The following CYLD variants were observed in gnomAD, a reference collection of about 807,000 sequenced individuals.
The protein encoded by CYLD is ubiquitin carboxyl-terminal hydrolase CYLD.
A neutral mutation model predicts 104.5 loss-of-function variants in CYLD; 26 were observed. That is an observed-to-expected ratio of 0.25 (90% CI 0.18 to 0.35). The LOEUF (loss-of-function observed/expected upper bound fraction) is 0.35. CYLD is among the 10% of genes least tolerant of loss of function. The probability of loss-of-function intolerance (pLI) is 1.00; values close to 1 mark genes in which losing one functional copy is unlikely to be tolerated. For missense variants in CYLD, 703 were observed against 1,136.1 expected (o/e 0.62, Z 5.48); for synonymous variants, 385 against 399.9 (o/e 0.96, Z 0.45).
chr16:50,751,295 T>C (rs757004032), intron 3 of CYLD, among the ~76,000 whole-genome samples: 8 of 152,246 alleles, frequency 5.3e-5, no homozygotes, highest in Non-Finnish European at 8.8e-5. Context: ...ACATTACTGC[T>C]ATTTTAAAGT....
chr16:50,757,580 A>G (rs1967400993), intron 5 of CYLD, among the ~76,000 whole-genome samples: 1 of 151,706 alleles, frequency 6.6e-6, no homozygotes, highest in Admixed American at 6.6e-5. Flanking sequence ...TTTGTCGCCC[A>G]GGGTGGAGTG....
intron 9 of CYLD, 94 bp from the exon 10 acceptor site, chr16:50,781,151 AG>A: frequency 7.4e-7 from 1 of 1,357,050 alleles, no homozygotes; most frequent in Non-Finnish European, 1.0e-6. Flanking sequence ...GTGGTGAGAA[AG>A]GGTATACTAG....
chr16:50,778,056 CTTTG>C, intron 8 of CYLD, 115 bp downstream of exon 8: 1 of 673,938 alleles, frequency 1.5e-6, no homozygotes, highest in Non-Finnish European at 2.7e-6. Flanking sequence ...GTAGACCGCT[CTTTG>C]TAATATTGCT....
chr16:50,768,228 A>C (rs1294690471), intron 5 of CYLD, among the ~76,000 whole-genome samples: 1 of 152,214 alleles, frequency 6.6e-6, no homozygotes, highest in Non-Finnish European at 1.5e-5. Flanking sequence ...CTTATTTGTC[A>C]ACAAAATAAA....
rs886052065 is a variant in CYLD at position 50,799,813 on chromosome 16, A to G, written c.*3305A>G. ...GCCAGATAATTTTGCATCTGCTTGG[A>G]TGATTGTAGACTGAGATGTGAGTGG... On this transcript the variant is annotated 3_prime_UTR_variant, in exon 19 of 19. Transcript: ENST00000427738. 10 of 232,978 alleles carry G rather than the reference A, an allele frequency of 4.3e-5. No individual in the cohort carries two copies. The highest frequency in any genetic ancestry group is 7.6e-5 in the Non-Finnish European group (9 of 117,978). The allele number at this position is 232,978 out of a possible 1,614,324, so 14.4% of individuals were successfully genotyped here.
At chr16:50,753,126 A>G (rs919514597) in intron 4 of CYLD, among the ~76,000 whole-genome samples, 2 of 152,212 alleles carry the variant, frequency 1.3e-5, no homozygotes, top group Admixed American at 6.5e-5. Flanking sequence ...TGAAAATTCC[A>G]GGAAATTCTA....
Position 50,793,704 on chromosome 16 carries a change from C to T in CYLD, c.2469+40C>T, listed in dbSNP as rs1470613817. Reference sequence around the variant, plus strand: ...ACTTAATGGATAAACTTTTGTTGAACAGTAACTTATTTATAGTTGAAAACA... The same window carrying T: ...ACTTAATGGATAAACTTTTGTTGAATAGTAACTTATTTATAGTTGAAAACA... On this transcript the variant is annotated intron_variant, in intron 17 of 18. Transcript: ENST00000427738. The T allele has an allele frequency of 4.0e-6, 5 of 1,246,532 alleles. No individual in the cohort carries two copies. The African/African-American group carries it at 4.4e-5, about 11-fold the overall frequency. 77.2% of individuals were successfully genotyped at this position (1,246,532 alleles called of 1,614,324 possible).
chr16:50,769,845 G>C (rs1420873), intron 5 of CYLD, among the ~76,000 whole-genome samples: 34,940 of 152,028 alleles, frequency 0.23, 6,604 homozygotes, highest in African/African-American at 0.53. Context: ...CTCATCTGCT[G>C]TCGATTTCTG....
intron 5 of CYLD, among the ~76,000 whole-genome samples, chr16:50,759,395 A>C (rs984853411): frequency 6.6e-6 from 1 of 152,256 alleles, no homozygotes; most frequent in African/African-American, 2.4e-5. Flanking sequence ...CCTTGTTTTC[A>C]TTATAATTGC....
At position 50,781,371 on chromosome 16, in the gene CYLD, G is replaced by A. The variant is rs2150996007; in HGVS notation, c.1644G>A (p.Leu548=). 6.2e-7 allele frequency: 1 copy of A among 1,613,768 alleles called. No homozygotes were observed. The highest frequency in any genetic ancestry group is 2.2e-5 in the East Asian group (1 of 44,888). The change falls in exon 10 of 19, where the codon TTG becomes TTA. Residue 548 remains leucine, a synonymous_variant. Coordinates refer to ENST00000427738, the MANE Select transcript of CYLD (RefSeq NM_001378743.1). The stretch of plus-strand genomic sequence containing the variant: ...GGCCTGACTCTAGGTTTGCATCATT[G>A]CAGCCGGTTTCCAATCAGATTGAGC... The part of the protein sequence containing the change: ...SCRPDSRFAS[L]QPVSNQIERC...
In CYLD at chr16:50,794,717, TTCAA is replaced by T; in HGVS notation, c.2686+290_2686+293del. On this transcript the variant is annotated intron_variant, in intron 18 of 18. Coordinates refer to ENST00000427738, the MANE Select transcript of CYLD (RefSeq NM_001378743.1). The surrounding 1 kb of genome is among the most constrained non-coding windows in gnomAD (Gnocchi z 4.1). The stretch of plus-strand genomic sequence containing the variant: ...CTCATTGCAACCTCCACCTCTCAGG[TTCAA>T]GCAATCCTCCCACCTCAGCCTCCTG... 1 of 423,206 alleles carries T rather than the reference TTCAA, an allele frequency of 2.4e-6. No individual in the cohort carries two copies. The allele number at this position is 423,206 out of a possible 1,614,324, so 26.2% of individuals were successfully genotyped here.
intron 5 of CYLD, among the ~76,000 whole-genome samples, chr16:50,761,746 A>ATCTATCTATC (rs1967949037): frequency 6.7e-6 from 1 of 149,778 alleles, no homozygotes; most frequent in South Asian, 2.2e-4. Context: ...ACATATCTCT[A>ATCTATCTATC]TATCTATCTA....
chr16:50,755,829 G>C (rs1166091363), intron 5 of CYLD, among the ~76,000 whole-genome samples: 2 of 152,100 alleles, frequency 1.3e-5, no homozygotes, highest in Non-Finnish European at 2.9e-5. Flanking sequence ...CCACTCTACT[G>C]ATTATTTCTT....
At position 50,782,367 on chromosome 16, in the gene CYLD, C is replaced by T; in HGVS notation, c.1727C>T (p.Pro576Leu). ...YLSEVVEENT[P>L]PKMEKEGLEI... ...AGTGAAGTAGTAGAAGAAAATACTC[C>T]ACCAAAAATGGAAAAAGAAGGCTTG... The change falls in exon 11 of 19, where the codon CCA becomes CTA. Residue 576 changes from proline (P) to leucine (L), a missense_variant. Transcript: ENST00000427738. 1 of 1,613,412 alleles carries T rather than the reference C, an allele frequency of 6.2e-7. No homozygotes were observed. Among genetic ancestry groups the T allele is most frequent in the Non-Finnish European group, 8.5e-7 (1 of 1,179,486 alleles).
rs56279226 is a variant in CYLD, at chr16:50,771,766, A to T, written c.914-3400A>T. On this transcript the variant is annotated intron_variant, in intron 5 of 18. Transcript: ENST00000427738. ...TGAGACTTAAGTAGAATTTTTTTTT[A>T]AAAAATCTATGGATATCTAATTGTT... is the stretch of plus-strand genomic sequence containing the variant. Among the ~76,000 whole-genome samples the T allele has an allele frequency of 3.6e-3, 547 of 152,188 alleles. 4 individuals carry two copies. Among genetic ancestry groups the T allele is most frequent in the African/African-American group, 0.01 (420 of 41,542 alleles).
At position 50,794,598 on chromosome 16, in the gene CYLD, A is replaced by G; in HGVS notation, c.2686+170A>G. On this transcript the variant is annotated intron_variant, in intron 18 of 18. Coordinates refer to ENST00000427738, the MANE Select transcript of CYLD (RefSeq NM_001378743.1). This position sits in a 1 kb window ranked among gnomAD's most constrained non-coding sequence, Gnocchi z 4.1. ...ATTGCATTAACAACCTTGCTAGCTG[A>G]ACTAAGGAATAATATGCTGTGTTTT... 1 of 709,500 alleles carries G rather than the reference A, an allele frequency of 1.4e-6. No homozygotes were observed. Among genetic ancestry groups the G allele is most frequent in the South Asian group, 1.5e-5 (1 of 65,738 alleles). The allele number at this position is 709,500 out of a possible 1,614,324, so 44.0% of individuals were successfully genotyped here. A position where few individuals can be genotyped will look rare whatever the true frequency, so the allele number is the denominator to read the frequency against.
At chr16:50,767,483 T>C (rs866045482) in intron 5 of CYLD, among the ~76,000 whole-genome samples, 45 of 148,104 alleles carry the variant, frequency 3.0e-4, no homozygotes, top group African/African-American at 1.1e-3. Flanking sequence ...TTTTTTTTAA[T>C]TTCCATAGAG....
At chr16:50,781,451 A>G (rs1421496399) in intron 10 of CYLD, 40 bp downstream of exon 10, 29 of 1,605,466 alleles carry the variant, frequency 1.8e-5, no homozygotes, top group Non-Finnish European at 2.3e-5. Flanking sequence ...ACCTGGAATG[A>G]CTCTAATTCT....
intron 4 of CYLD, among the ~76,000 whole-genome samples, chr16:50,753,366 A>G (rs1228567845): frequency 1.3e-5 from 2 of 152,222 alleles, no homozygotes; most frequent in Non-Finnish European, 2.9e-5. Flanking sequence ...CTCCCCTTGC[A>G]TCAGGCTCTT....
Sources: allele counts gnomAD v4.1 joint callset (sites outside exome capture counted in the v4.1 genomes callset), GRCh38; gene constraint gnomAD v4.1.1; non-coding constraint Gnocchi (gnomAD v3.1); transcripts MANE v1.5; gene names NCBI Gene and HGNC (gene_info 2026-07-23, HGNC 2026-07-21).